GABRB2: variants seen among roughly 807,000 people sequenced by gnomAD.
GABRB2 encodes the protein gamma-aminobutyric acid receptor subunit beta-2.
In GABRB2, 16 loss-of-function variants were observed where a neutral mutation model predicts 54.7. That is an observed-to-expected ratio of 0.29 (90% CI 0.20 to 0.44). The LOEUF (loss-of-function observed/expected upper bound fraction) is 0.44. GABRB2 is among the 20% of genes least tolerant of loss of function. The pLI is 1.00. For synonymous variants in GABRB2, 244 were observed against 233.8 expected (o/e 1.04, Z -0.40); for missense variants, 355 against 644.0 (o/e 0.55, Z 4.86).
intron 3 of GABRB2, among the ~76,000 whole-genome samples, chr5:161,462,253 G>A (rs1330594688): frequency 6.6e-6 from 1 of 152,120 alleles, no homozygotes; most frequent in African/African-American, 2.4e-5. Flanking sequence ...CTCTGCTTTA[G>A]GGAAGAATTA....
At chr5:161,364,398 T>C (rs1305990451) in intron 5 of GABRB2, among the ~76,000 whole-genome samples, 2 of 152,156 alleles carry the variant, frequency 1.3e-5, no homozygotes, top group East Asian at 3.9e-4. Context: ...ATTATCTCCA[T>C]TCCCTGGAAC....
chr5:161,434,489 C>G (rs1231707514), intron 4 of GABRB2, among the ~76,000 whole-genome samples: 1 of 152,114 alleles, frequency 6.6e-6, no homozygotes, highest in Non-Finnish European at 1.5e-5. Context: ...AGTTCTCCAG[C>G]TCATAGCCCA....
chr5:161,418,474 C>T (rs1756747312), intron 4 of GABRB2, among the ~76,000 whole-genome samples: 1 of 152,076 alleles, frequency 6.6e-6, no homozygotes, highest in Non-Finnish European at 1.5e-5. Context: ...CTATCTCCCA[C>T]CATATACAAA....
chr5:161,366,087 G>A (rs1039698163), intron 5 of GABRB2, among the ~76,000 whole-genome samples: 2 of 150,280 alleles, frequency 1.3e-5, no homozygotes, highest in African/African-American at 4.9e-5. Flanking sequence ...AGCTAAGTTG[G>A]CACTTTTATG....
intron 4 of GABRB2, among the ~76,000 whole-genome samples, chr5:161,413,818 A>C (rs1228205941): frequency 6.6e-6 from 1 of 152,178 alleles, no homozygotes; most frequent in Non-Finnish European, 1.5e-5. Context: ...AAAAAGAGAG[A>C]GAGCCAAGTA....
At chr5:161,463,562 T>TATAG (rs1561659396) in intron 3 of GABRB2, among the ~76,000 whole-genome samples, 43 of 76,122 alleles carry the variant, frequency 5.6e-4, no homozygotes, top group Middle Eastern at 5.0e-3. Context: ...TATTTATATA[T>TATAG]ATATATATAT....
chr5:161,339,694 G>T (rs1754097557), intron 5 of GABRB2, among the ~76,000 whole-genome samples: 1 of 152,010 alleles, frequency 6.6e-6, no homozygotes, highest in Non-Finnish European at 1.5e-5. Context: ...TCATTTTATA[G>T]GTGAACAGTA....
chr5:161,415,535 C>T lies in GABRB2; in HGVS notation c.459-4478G>A, dbSNP rs147961739. On this transcript the variant is annotated intron_variant, in intron 4 of 9. Coordinates refer to ENST00000393959, the MANE Select transcript of GABRB2 (RefSeq NM_001371727.1). ...GCCAGGATTTTGTACCAAAGCCATA[C>T]GAAATATTTTATAGTGTCATTACCT... Among the ~76,000 whole-genome samples the T allele has an allele frequency of 5.0e-4, 76 of 152,198 alleles. No homozygotes were observed. The East Asian group carries it at 7.9e-3, about 16-fold the overall frequency.
chr5:161,546,531 G>A, intron 1 of GABRB2, 36 bp downstream of exon 1: 2 of 1,582,016 alleles, frequency 1.3e-6, no homozygotes, highest in East Asian at 2.3e-5. Context: ...ACCCTTCAAA[G>A]TGAGAACGGA....
chr5:161,523,072 T>G (rs1015828959), intron 3 of GABRB2, among the ~76,000 whole-genome samples: 2 of 151,532 alleles, frequency 1.3e-5, no homozygotes, highest in Non-Finnish European at 3.0e-5. Flanking sequence ...GATACTATTA[T>G]TATTTATATT....
intron 3 of GABRB2, among the ~76,000 whole-genome samples, chr5:161,486,834 G>A (rs1758939448): frequency 6.6e-6 from 1 of 151,934 alleles, no homozygotes; most frequent in African/African-American, 2.4e-5. Context: ...AAAGGTCATT[G>A]TGATGAACTA....
chr5:161,546,578 G>C lies in GABRB2; in HGVS notation c.66C>G (p.Val22=), dbSNP rs770038827. 1 of 1,598,684 alleles carries C rather than the reference G, an allele frequency of 6.3e-7. No homozygotes were observed. Among genetic ancestry groups the C allele is most frequent in the African/African-American group, 1.3e-5 (1 of 74,896 alleles). The part of the protein sequence containing the change: ...IWSFPLIIAA[V]CAQSVNDPSN... The stretch of plus-strand genomic sequence containing the variant: ...CTGGGCACACTTACCTCTGCGCACA[G>C]ACAGCGGCGATTATTAAGGGGAAGG... Residue 22 remains valine, a synonymous_variant, in exon 1 of 10, where the codon GTC becomes GTG. Transcript: ENST00000393959.
chr5:161,454,518 C>A (rs896814763), intron 4 of GABRB2, among the ~76,000 whole-genome samples: 7 of 152,158 alleles, frequency 4.6e-5, no homozygotes, highest in African/African-American at 1.7e-4. Flanking sequence ...CTTCACAGAA[C>A]AATGAAAAGA....
In GABRB2 at chr5:161,290,216, T is replaced by C. The variant is rs1371963569; in HGVS notation, c.*3865A>G. On this transcript the variant is annotated 3_prime_UTR_variant, in exon 10 of 10. Coordinates refer to ENST00000393959, the MANE Select transcript of GABRB2 (RefSeq NM_001371727.1). ...GATTGCTACAGTTGTGAATACTTAGTATTTTGCCCTAACCAACATGGTGGG... is the reference window on the plus strand; with the variant it reads ...GATTGCTACAGTTGTGAATACTTAGCATTTTGCCCTAACCAACATGGTGGG... The C allele has an allele frequency of 6.6e-6, 1 of 152,516 alleles. No homozygotes were observed. The highest frequency in any genetic ancestry group is 1.5e-5 in the Non-Finnish European group (1 of 67,994). 9.4% of individuals were successfully genotyped at this position (152,516 alleles called of 1,614,324 possible).
chr5:161,502,204 CAG>C (rs1759465903), intron 3 of GABRB2, among the ~76,000 whole-genome samples: 1 of 151,386 alleles, frequency 6.6e-6, no homozygotes, highest in South Asian at 2.1e-4. Context: ...AAATATAAAA[CAG>C]GGTGAAAAAA....
intron 3 of GABRB2, among the ~76,000 whole-genome samples, chr5:161,530,422 C>T (rs1424506448): frequency 6.6e-6 from 1 of 151,832 alleles, no homozygotes; most frequent in Non-Finnish European, 1.5e-5. Context: ...TCAAGCTGGC[C>T]CATTAAATAG....
chr5:161,446,390 T>C (rs1388991710), intron 4 of GABRB2, among the ~76,000 whole-genome samples: 2 of 152,146 alleles, frequency 1.3e-5, no homozygotes, highest in African/African-American at 4.8e-5. Context: ...TGGAACACTG[T>C]ACAGACATTC....
At chr5:161,312,220 T>A (rs568823667) in intron 9 of GABRB2, among the ~76,000 whole-genome samples, 1 of 152,268 alleles carries the variant, frequency 6.6e-6, no homozygotes, top group South Asian at 2.1e-4. Flanking sequence ...CAGTGAGTAT[T>A]CGTCAAATGC....
intron 5 of GABRB2, among the ~76,000 whole-genome samples, chr5:161,389,405 T>C (rs762898806): frequency 6.6e-6 from 1 of 152,088 alleles, no homozygotes; most frequent in Non-Finnish European, 1.5e-5. Flanking sequence ...TTGACTAATA[T>C]CATCTTGGTA....
Sources: allele counts gnomAD v4.1 joint callset (sites outside exome capture counted in the v4.1 genomes callset), GRCh38; gene constraint gnomAD v4.1.1; transcripts MANE v1.5; gene names NCBI Gene and HGNC (gene_info 2026-07-23, HGNC 2026-07-21).